Variants in MGAT4C observed in about 807,000 individuals in gnomAD.
The protein encoded by MGAT4C is MGAT4 family member C.
A neutral mutation model predicts 40.1 loss-of-function variants in MGAT4C; 19 were observed. The ratio of observed to expected loss-of-function variants is 0.47; its 90% CI spans 0.33 to 0.70. The LOEUF (loss-of-function observed/expected upper bound fraction) is 0.70. Ranked by LOEUF, MGAT4C falls within the 30% of genes least tolerant of loss-of-function variation. MGAT4C has a pLI of 0.02. For synonymous variants in MGAT4C, 181 were observed against 187.1 expected, an observed-to-expected ratio of 0.97 and a Z score of 0.27; for missense variants, 491 against 563.2, an observed-to-expected ratio of 0.87 and a Z score of 1.30.
chr12:86,561,053 C>A (rs1959839676), intron 2 of MGAT4C, among the ~76,000 whole-genome samples: 1 of 151,912 alleles, frequency 6.6e-6, no homozygotes, highest in Non-Finnish European at 1.5e-5. Flanking sequence ...TAAAGTAGTT[C>A]AAAAATATGC....
intron 2 of MGAT4C, among the ~76,000 whole-genome samples, chr12:86,560,666 G>A (rs1053747069): frequency 2.0e-5 from 3 of 152,070 alleles, no homozygotes; most frequent in Non-Finnish European, 4.4e-5. Context: ...TGTATGACAA[G>A]CCCACAGCTA....
At chr12:86,310,085 T>C (rs1954031275) in intron 4 of MGAT4C, among the ~76,000 whole-genome samples, 2 of 150,008 alleles carry the variant, frequency 1.3e-5, no homozygotes, top group South Asian at 2.1e-4. Context: ...CAGTATGAAG[T>C]AGAGAAACCA....
At chr12:86,220,446 A>G (rs1310911123) in intron 1 of MGAT4C, among the ~76,000 whole-genome samples, 2 of 152,204 alleles carry the variant, frequency 1.3e-5, no homozygotes, top group African/African-American at 4.8e-5. Flanking sequence ...CAGTTAAATT[A>G]TTCCAGAAAT....
chr12:86,588,160 C>T (rs7485606), intron 2 of MGAT4C, among the ~76,000 whole-genome samples: 8 of 151,126 alleles, frequency 5.3e-5, no homozygotes, highest in East Asian at 3.9e-4. Context: ...TAGCATGAAG[C>T]ATTGTTGAAT....
intron 1 of MGAT4C, among the ~76,000 whole-genome samples, chr12:86,125,772 G>A (rs1880137847): frequency 6.6e-6 from 1 of 151,988 alleles, no homozygotes; most frequent in Non-Finnish European, 1.5e-5. Flanking sequence ...AAATGTGAAA[G>A]GTTTAATGGA....
chr12:86,350,840 T>C (rs1955141202), intron 3 of MGAT4C, among the ~76,000 whole-genome samples: 2 of 152,108 alleles, frequency 1.3e-5, no homozygotes, highest in Admixed American at 6.6e-5. Flanking sequence ...ACTCACATAA[T>C]TATGCATTTC....
At chr12:86,057,202 GGGTCTAGCTCTGT>G (rs1893492133) in intron 1 of MGAT4C, among the ~76,000 whole-genome samples, 1 of 151,954 alleles carries the variant, frequency 6.6e-6, no homozygotes, top group Admixed American at 6.6e-5. Flanking sequence ...TTTAGAGACA[GGGTCTAGCTCTGT>G]GGTTCAGGCT....
intron 2 of MGAT4C, among the ~76,000 whole-genome samples, chr12:86,594,748 C>T (rs2136452605): frequency 6.6e-6 from 1 of 152,248 alleles, no homozygotes; most frequent in African/African-American, 2.4e-5. Flanking sequence ...AACTATGTGA[C>T]CTGACAGCAT....
intron 2 of MGAT4C, among the ~76,000 whole-genome samples, chr12:86,688,336 C>T (rs906989319): frequency 1.8e-4 from 27 of 152,134 alleles, no homozygotes; most frequent in Non-Finnish European, 2.9e-4. Context: ...GGGCATTTAG[C>T]TCATTTACAT....
intron 2 of MGAT4C, among the ~76,000 whole-genome samples, chr12:86,621,209 G>A (rs1361212550): frequency 6.6e-6 from 1 of 151,978 alleles, no homozygotes; most frequent in Non-Finnish European, 1.5e-5. Context: ...TTAAAAAATA[G>A]ATATAAATAT....
intron 2 of MGAT4C, among the ~76,000 whole-genome samples, chr12:86,012,961 G>A (rs1431048236): frequency 1.6e-5 from 2 of 122,656 alleles, no homozygotes; most frequent in Non-Finnish European, 3.7e-5. Flanking sequence ...TCATCTCCAC[G>A]AAAATTAAAA....
At chr12:86,300,801 G>A (rs1252179885) in intron 4 of MGAT4C, among the ~76,000 whole-genome samples, 1 of 151,850 alleles carries the variant, frequency 6.6e-6, no homozygotes, top group Non-Finnish European at 1.5e-5. Context: ...AAGTTGTACT[G>A]CAAAAAATAG....
chr12:86,630,700 C>T (rs1212439745), intron 2 of MGAT4C, among the ~76,000 whole-genome samples: 1 of 152,166 alleles, frequency 6.6e-6, no homozygotes, highest in African/African-American at 2.4e-5. Flanking sequence ...CAAAATTCAA[C>T]AACACTTCAT....
intron 1 of MGAT4C, among the ~76,000 whole-genome samples, chr12:86,119,705 G>A (rs999012852): frequency 1.3e-5 from 2 of 150,156 alleles, no homozygotes; most frequent in African/African-American, 4.9e-5. Context: ...CACTATGCCC[G>A]GCCCCCTCCC....
At chr12:86,475,448 G>C (rs1957819397) in intron 2 of MGAT4C, among the ~76,000 whole-genome samples, 1 of 151,832 alleles carries the variant, frequency 6.6e-6, no homozygotes, top group Admixed American at 6.6e-5. Context: ...TAAAATTGAG[G>C]TGTTAATGTG....
At chr12:86,094,670 T>G (rs1409247946) in intron 1 of MGAT4C, among the ~76,000 whole-genome samples, 1 of 152,120 alleles carries the variant, frequency 6.6e-6, no homozygotes, top group African/African-American at 2.4e-5. Flanking sequence ...TTAAAACTAG[T>G]TTTTGTAAGT....
intron 3 of MGAT4C, among the ~76,000 whole-genome samples, chr12:86,429,093 C>G (rs926222979): frequency 2.0e-5 from 3 of 151,826 alleles, no homozygotes; most frequent in Admixed American, 6.6e-5. Context: ...GTTGTAGGTA[C>G]CTATTGCAAG....
Position 86,642,224 on chromosome 12 carries a change from T to TCTAA in MGAT4C, c.-229+84984_-229+84985insTTAG, listed in dbSNP as rs1205783733. The stretch of plus-strand genomic sequence containing the variant: ...TATAAAAACACATTTGTTCAACCTA[T>TCTAA]TAGCTAAATAATATCTTGGAAGTTT... On this transcript the variant is annotated intron_variant, in intron 2 of 7. Transcript: ENST00000548651. Among the ~76,000 whole-genome samples the TCTAA allele has an allele frequency of 2.0e-5, 3 of 151,826 alleles. No individual in the cohort carries two copies. In the East Asian group the frequency reaches 5.8e-4, roughly 30 times the overall value.
intron 2 of MGAT4C, among the ~76,000 whole-genome samples, chr12:86,661,789 A>G (rs1471699968): frequency 6.6e-6 from 1 of 152,044 alleles, no homozygotes; most frequent in Non-Finnish European, 1.5e-5. Flanking sequence ...AAATGCAAAA[A>G]TTAGCCGGGC....
Sources: allele counts gnomAD v4.1 joint callset (sites outside exome capture counted in the v4.1 genomes callset), GRCh38; gene constraint gnomAD v4.1.1; transcripts MANE v1.5; gene names NCBI Gene and HGNC (gene_info 2026-07-23, HGNC 2026-07-21).